CDH13: variants seen among roughly 807,000 people sequenced by gnomAD.
CDH13 encodes the protein cadherin-13.
In CDH13, 24 loss-of-function variants were observed where a neutral mutation model predicts 63.8. The observed-to-expected ratio is 0.38, with a 90% CI of 0.27 to 0.53. The LOEUF (loss-of-function observed/expected upper bound fraction) is 0.53. CDH13 is among the 20% of genes least tolerant of loss of function. CDH13 has a pLI of 0.85. For synonymous variants in CDH13, 503 were observed against 355.3 expected, an observed-to-expected ratio of 1.42 and a Z score of -4.67; for missense variants, 1,049 against 903.1, an observed-to-expected ratio of 1.16 and a Z score of -2.07.
At chr16:82,666,205 G>A (rs1597262354) in intron 1 of CDH13, among the ~76,000 whole-genome samples, 2 of 152,152 alleles carry the variant, frequency 1.3e-5, no homozygotes. Context: ...TTATCCTTAG[G>A]TGTTTATTCA....
At chr16:83,581,629 T>A (rs1289842621) in intron 7 of CDH13, among the ~76,000 whole-genome samples, 1 of 152,092 alleles carries the variant, frequency 6.6e-6, no homozygotes, top group Non-Finnish European at 1.5e-5. Flanking sequence ...ACCAGCCTAG[T>A]CAACGTGGTG....
At position 82,940,106 on chromosome 16, in the gene CDH13, A is replaced by G. The variant is rs148335421; in HGVS notation, c.157+81633A>G. 3.6e-3 allele frequency among the ~76,000 whole-genome samples: 553 copies of G among 152,298 alleles called. 7 individuals are homozygous for G. Among genetic ancestry groups the G allele is most frequent in the African/African-American group, 0.013 (532 of 41,568 alleles). On this transcript the variant is annotated intron_variant, in intron 2 of 13. Transcript: ENST00000567109. The stretch of plus-strand genomic sequence containing the variant: ...TGGGGGAAAGTGCCCCCATGATTCA[A>G]TTATTTCCCACCAGGTCCCTCCCAC...
chr16:82,628,139 T>A (rs8060301), intron 1 of CDH13, among the ~76,000 whole-genome samples: 64,122 of 152,062 alleles, frequency 0.42, 13,865 homozygotes, highest in South Asian at 0.47. Context: ...GGGCACGCCC[T>A]GCGCTGCTCA....
intron 5 of CDH13, among the ~76,000 whole-genome samples, chr16:83,255,039 T>A (rs868655591): frequency 1.3e-5 from 2 of 151,706 alleles, no homozygotes; most frequent in South Asian, 4.2e-4. Context: ...GTGCTCCTCA[T>A]GCATTTTGAA....
At chr16:82,658,926 A>G (rs915566251) in intron 1 of CDH13, among the ~76,000 whole-genome samples, 4 of 152,176 alleles carry the variant, frequency 2.6e-5, no homozygotes, top group African/African-American at 9.7e-5. Context: ...AAGGTTCTCA[A>G]GGGGGTGGAT....
intron 1 of CDH13, among the ~76,000 whole-genome samples, chr16:82,790,526 A>G (rs530136162): frequency 6.6e-6 from 1 of 151,034 alleles, no homozygotes; most frequent in African/African-American, 2.5e-5. Context: ...ATAGACATAC[A>G]AAAAAATTAT....
At chr16:83,242,499 G>C (rs11642425) in intron 5 of CDH13, among the ~76,000 whole-genome samples, 100,682 of 152,040 alleles carry the variant, frequency 0.66, 35,115 homozygotes, top group East Asian at 0.82. Flanking sequence ...TTCTAAATCA[G>C]ATGTGTTTGG....
At chr16:82,810,712 C>G (rs1597664884) in intron 1 of CDH13, among the ~76,000 whole-genome samples, 1 of 152,092 alleles carries the variant, frequency 6.6e-6, no homozygotes, top group Non-Finnish European at 1.5e-5. Flanking sequence ...GTGCTCCCAA[C>G]CCTTCAGTCA....
At chr16:83,789,337 C>CTTTTTTTTTTTTTTTTT (rs148503283) in intron 13 of CDH13, among the ~76,000 whole-genome samples, 93 of 132,290 alleles carry the variant, frequency 7.0e-4, no homozygotes, top group African/African-American at 9.5e-4. Flanking sequence ...TAGTAGCTTT[C>CTTTTTTTTTTTTTTTTT]TTTTTTTTTG....
intron 3 of CDH13, among the ~76,000 whole-genome samples, chr16:83,080,134 G>T (rs967786221): frequency 6.6e-6 from 1 of 152,116 alleles, no homozygotes; most frequent in Non-Finnish European, 1.5e-5. Flanking sequence ...TTGCAGAAGG[G>T]AGTAACAAGT....
chr16:82,902,995 T>C (rs754515346), intron 2 of CDH13, among the ~76,000 whole-genome samples: 9 of 152,206 alleles, frequency 5.9e-5, no homozygotes, highest in Non-Finnish European at 1.3e-4. Context: ...GTTGACTCCT[T>C]TCTCTAGTTC....
At chr16:83,019,846 A>AG (rs1237504150) in intron 2 of CDH13, among the ~76,000 whole-genome samples, 7 of 151,742 alleles carry the variant, frequency 4.6e-5, no homozygotes, top group Non-Finnish European at 1.0e-4. Flanking sequence ...TAAAAAAAAA[A>AG]AAAAAAAACA....
intron 11 of CDH13, among the ~76,000 whole-genome samples, chr16:83,768,227 T>C (rs1024950913): frequency 2.0e-5 from 3 of 152,076 alleles, no homozygotes; most frequent in African/African-American, 7.2e-5. Flanking sequence ...AATGACAAGA[T>C]ATAAAGCACT....
intron 3 of CDH13, among the ~76,000 whole-genome samples, chr16:83,065,102 A>G (rs1216837636): frequency 6.6e-6 from 1 of 151,950 alleles, no homozygotes; most frequent in Non-Finnish European, 1.5e-5. Flanking sequence ...ATCATGTGGT[A>G]TTTGTCTTCT....
intron 3 of CDH13, among the ~76,000 whole-genome samples, chr16:83,032,513 G>A (rs1359725472): frequency 1.3e-5 from 2 of 152,096 alleles, no homozygotes; most frequent in African/African-American, 2.4e-5. Context: ...TGTGCATCTC[G>A]TGGCTCCATT....
At chr16:83,009,409 C>G (rs1345390788) in intron 2 of CDH13, among the ~76,000 whole-genome samples, 1 of 152,170 alleles carries the variant, frequency 6.6e-6, no homozygotes, top group Non-Finnish European at 1.5e-5. Context: ...AATGAAATTA[C>G]ACTTGCAACT....
intron 5 of CDH13, among the ~76,000 whole-genome samples, chr16:83,273,789 C>G (rs138236803): frequency 6.6e-6 from 1 of 152,236 alleles, no homozygotes; most frequent in East Asian, 1.9e-4. Flanking sequence ...ATTTTCGTAA[C>G]TACGCAGCGA....
rs537739250 is a variant in CDH13 at position 82,984,186 on chromosome 16, A to G, written c.158-47824A>G. 2.5e-4 allele frequency among the ~76,000 whole-genome samples: 38 copies of G among 152,344 alleles called. No individual in the cohort carries two copies. In the South Asian group the frequency reaches 7.7e-3, roughly 31 times the overall value. On this transcript the variant is annotated intron_variant, in intron 2 of 13. Coordinates refer to ENST00000567109, the MANE Select transcript of CDH13 (RefSeq NM_001257.5). ...TTGAAAGGAAGAGCAAGGAACCTGG[A>G]TAAAACTCTAAAACCTTCTTTCCCT...
intron 6 of CDH13, among the ~76,000 whole-genome samples, chr16:83,464,083 T>C (rs2073247443): frequency 6.6e-6 from 1 of 152,168 alleles, no homozygotes; most frequent in Admixed American, 6.5e-5. Flanking sequence ...TTTTGTTTTG[T>C]TTTGTTTTGA....
Sources: gnomAD v4.1 joint callset for allele counts (sites outside exome capture counted in the v4.1 genomes callset) on GRCh38, gnomAD v4.1.1 for gene constraint, MANE v1.5 for transcripts, NCBI Gene and HGNC (gene_info 2026-07-23, HGNC 2026-07-21) for gene names.